CMTM6: variants seen among roughly 807,000 people sequenced by gnomAD.
CMTM6 encodes CKLF-like MARVEL transmembrane domain-containing protein 6.
CMTM6 carries 5 observed loss-of-function variants against 13.6 expected under a neutral mutation model. The observed-to-expected ratio is 0.37, with a 90% CI of 0.19 to 0.77. CMTM6 has a LOEUF of 0.77. CMTM6 is among the 30% of genes least tolerant of loss of function. CMTM6 has a pLI of 0.50. For synonymous variants in CMTM6, 99 were observed against 84.5 expected, an observed-to-expected ratio of 1.17 and a Z score of -0.94; for missense variants, 196 against 218.6, an observed-to-expected ratio of 0.90 and a Z score of 0.65.
At chr3:32,486,304 C>T (rs1406835119) in intron 3 of CMTM6, among the ~76,000 whole-genome samples, 1 of 152,198 alleles carries the variant, frequency 6.6e-6, no homozygotes, top group African/African-American at 2.4e-5. Context: ...AGGCCATGAT[C>T]CTTAATTTAC....
At chr3:32,502,537 C>A in intron 1 of CMTM6, 71 bp downstream of exon 1, 3 of 1,527,182 alleles carry the variant, frequency 2.0e-6, no homozygotes, top group South Asian at 2.4e-5. Flanking sequence ...CGAAGGAGCT[C>A]GGCGGCCTCC....
intron 2 of CMTM6, among the ~76,000 whole-genome samples, chr3:32,489,494 T>C (rs1575137581): frequency 6.6e-6 from 1 of 151,070 alleles, no homozygotes; most frequent in African/African-American, 2.4e-5. Context: ...CTATTAAAAA[T>C]ACAAAAATTA....
chr3:32,502,642 G>T lies in CMTM6; in HGVS notation c.104C>A (p.Pro35Gln). Reference sequence around the variant, plus strand: ...GCCCTTGAGAACGCGCCGGAGCAATGGGAGCCGGCCCATGAAAAAGTAGGC... The same window carrying T: ...GCCCTTGAGAACGCGCCGGAGCAATTGGAGCCGGCCCATGAAAAAGTAGGC... ...LAAYFFMGRL[P>Q]LLRRVLKGLQ... The change falls in exon 1 of 4, where the codon CCA becomes CAA. Residue 35 changes from proline to glutamine, a missense_variant. Around this residue, in one of 2 missense-constraint regions of CMTM6, gnomAD observed 85 missense variants for 58.7 expected, o/e 1.45. Coordinates refer to ENST00000205636, the MANE Select transcript of CMTM6 (RefSeq NM_017801.3). The T allele has an allele frequency of 6.3e-7, 1 of 1,596,466 alleles. No homozygotes were observed. Among genetic ancestry groups the T allele is most frequent in the East Asian group, 2.3e-5 (1 of 44,108 alleles).
At chr3:32,493,934 G>A (rs985325792) in intron 1 of CMTM6, among the ~76,000 whole-genome samples, 13 of 152,154 alleles carry the variant, frequency 8.5e-5, no homozygotes, top group Admixed American at 4.6e-4. Flanking sequence ...GGAAGTAAGG[G>A]GAGGGTAAGG....
Position 32,500,213 on chromosome 3 carries a change from C to T in CMTM6, c.138+2395G>A, listed in dbSNP as rs1374414290. ...TGTTTCCTTACTGGAGCTCGCAATT[C>T]TGTTTAGTTTTTTAAAAAAATTAAA... On this transcript the variant is annotated intron_variant, in intron 1 of 3. Coordinates refer to ENST00000205636, the MANE Select transcript of CMTM6 (RefSeq NM_017801.3). Among the ~76,000 whole-genome samples the T allele has an allele frequency of 2.6e-5, 4 of 152,172 alleles. No individual in the cohort carries two copies. The East Asian group carries it at 7.7e-4, about 29-fold the overall frequency.
At chr3:32,490,036 A>C (rs916243506) in intron 2 of CMTM6, among the ~76,000 whole-genome samples, 2 of 152,174 alleles carry the variant, frequency 1.3e-5, no homozygotes, top group African/African-American at 4.8e-5. Context: ...ACCTGAGGTC[A>C]GGAGTTTGAG....
intron 2 of CMTM6, among the ~76,000 whole-genome samples, chr3:32,490,526 G>A (rs1697242016): frequency 1.3e-5 from 2 of 152,036 alleles, no homozygotes; most frequent in Non-Finnish European, 2.9e-5. Context: ...TAATACAAAA[G>A]CTATTTTAGG....
chr3:32,494,576 T>C (rs1426376085), intron 1 of CMTM6, among the ~76,000 whole-genome samples: 1 of 151,602 alleles, frequency 6.6e-6, no homozygotes, highest in Non-Finnish European at 1.5e-5. Flanking sequence ...ACGTGAATGT[T>C]TATAACAATT....
chr3:32,496,316 TC>T (rs1697290714), intron 1 of CMTM6, among the ~76,000 whole-genome samples: 1 of 151,468 alleles, frequency 6.6e-6, no homozygotes, highest in Non-Finnish European at 1.5e-5. Flanking sequence ...ATGCGATGGC[TC>T]ACATCTGTAA....
chr3:32,499,828 G>C (rs1173690324), intron 1 of CMTM6, among the ~76,000 whole-genome samples: 1 of 144,820 alleles, frequency 6.9e-6, no homozygotes, highest in East Asian at 1.9e-4. Context: ...TCTGTGTACA[G>C]GCTCCACTCT....
rs113737826 is a variant in CMTM6, at chr3:32,486,050, G to C, written c.414+1888C>G. Among the ~76,000 whole-genome samples, 1,220 of 152,188 alleles carry C rather than the reference G, an allele frequency of 8.0e-3. 19 individuals are homozygous for C. The highest frequency in any genetic ancestry group is 0.027 in the African/African-American group (1,136 of 41,508). On this transcript the variant is annotated intron_variant, in intron 3 of 3. Transcript: ENST00000205636. ...CTGCCACCATGCCCGGCTAAGTTTTGTATTTTTAGTAGAGACAAGCTTTCA... is the reference window on the plus strand; with the variant it reads ...CTGCCACCATGCCCGGCTAAGTTTTCTATTTTTAGTAGAGACAAGCTTTCA...
chr3:32,485,608 A>T (rs908557888), intron 3 of CMTM6, among the ~76,000 whole-genome samples: 1 of 152,214 alleles, frequency 6.6e-6, no homozygotes, highest in Non-Finnish European at 1.5e-5. Context: ...CTAAACTGAA[A>T]TTAACCATAA....
chr3:32,487,301 G>A (rs1697213185), intron 3 of CMTM6, among the ~76,000 whole-genome samples: 1 of 152,012 alleles, frequency 6.6e-6, no homozygotes, highest in Non-Finnish European at 1.5e-5. Flanking sequence ...GAAACTTTAA[G>A]GATATGTATA....
intron 3 of CMTM6, among the ~76,000 whole-genome samples, chr3:32,484,809 T>G (rs149801973): frequency 1.3e-3 from 202 of 151,890 alleles, no homozygotes; most frequent in Admixed American, 3.0e-3. Context: ...TTGATGTAGG[T>G]GATGGCTAAA....
chr3:32,490,673 A>G (rs981709636), intron 2 of CMTM6, among the ~76,000 whole-genome samples: 3 of 152,194 alleles, frequency 2.0e-5, no homozygotes, highest in African/African-American at 7.2e-5. Context: ...GGACAATATT[A>G]TAATACCATT....
intron 3 of CMTM6, among the ~76,000 whole-genome samples, chr3:32,485,008 T>C: frequency 6.6e-6 from 1 of 152,042 alleles, no homozygotes; most frequent in Non-Finnish European, 1.5e-5. Flanking sequence ...CCAATCTAAA[T>C]TTAATTATCA....
intron 3 of CMTM6, among the ~76,000 whole-genome samples, chr3:32,487,134 T>A (rs1341096312): frequency 6.6e-6 from 1 of 152,140 alleles, no homozygotes. Context: ...AGGTGGCGAC[T>A]GTGAATGGGA....
At chr3:32,490,368 A>G (rs1559424442) in intron 2 of CMTM6, among the ~76,000 whole-genome samples, 1 of 152,236 alleles carries the variant, frequency 6.6e-6, no homozygotes, top group Non-Finnish European at 1.5e-5. Context: ...ATTAATATGC[A>G]GACAGTAAAA....
chr3:32,486,537 G>A (rs544917133), intron 3 of CMTM6, among the ~76,000 whole-genome samples: 61 of 152,274 alleles, frequency 4.0e-4, no homozygotes, highest in African/African-American at 1.5e-3. Context: ...CATATGTACA[G>A]CACTACCTTT....
Sources: allele counts gnomAD v4.1 joint callset (sites outside exome capture counted in the v4.1 genomes callset), GRCh38; gene constraint gnomAD v4.1.1; regional missense constraint gnomAD v4.1.1; transcripts MANE v1.5; gene names NCBI Gene and HGNC (gene_info 2026-07-23, HGNC 2026-07-21).